FNDC3A: variants seen among roughly 807,000 people sequenced by gnomAD.
FNDC3A encodes the protein fibronectin type III domain containing 3A, also known as fibronectin type-III domain-containing protein 3A.
In FNDC3A, 32 loss-of-function variants were observed where a neutral mutation model predicts 148.9. That is an observed-to-expected ratio of 0.21 (90% CI 0.16 to 0.29). FNDC3A has a LOEUF of 0.29. Ranked by LOEUF, FNDC3A falls within the 10% of genes least tolerant of loss-of-function variation. FNDC3A has a pLI of 1.00. For missense variants in FNDC3A, 1,191 were observed against 1,452.8 expected, an observed-to-expected ratio of 0.82 and a Z score of 2.93; for synonymous variants, 472 against 473.6, an observed-to-expected ratio of 1.00 and a Z score of 0.04.
At position 49,175,392 on chromosome 13, in the gene FNDC3A, T is replaced by C; in HGVS notation, c.1381T>C (p.Tyr461His). 1 of 1,595,960 alleles carries C rather than the reference T, an allele frequency of 6.3e-7. No individual in the cohort carries two copies. The highest frequency in any genetic ancestry group is 2.3e-5 in the East Asian group (1 of 44,056). ...TGGTTTTAGTGAAGAAGTCTTATAT[T>C]ACACCTCAGGCTGTGCTCCTTCTAT... Reference protein sequence around the residue: ...TSGFSEEVLYYTSGCAPSMPA... With the variant: ...TSGFSEEVLYHTSGCAPSMPA... The change falls in exon 13 of 26, where the codon TAC becomes CAC. Residue 461 changes from tyrosine to histidine, a missense_variant. Physicochemically the swap from Tyr to His is moderately conservative, Grantham distance 83. Around this residue, in one of 3 missense-constraint regions of FNDC3A, gnomAD observed 751 missense variants for 944.0 expected, o/e 0.80. Transcript: ENST00000492622.
At chr13:49,190,347 G>A (rs1390966958) in intron 17 of FNDC3A, among the ~76,000 whole-genome samples, 1 of 152,182 alleles carries the variant, frequency 6.6e-6, no homozygotes, top group African/African-American at 2.4e-5. Flanking sequence ...AAAGGATGAA[G>A]GAAAGATAAT....
chr13:49,182,671 A>C (rs570315324), intron 14 of FNDC3A, among the ~76,000 whole-genome samples: 3 of 151,952 alleles, frequency 2.0e-5, no homozygotes, highest in Non-Finnish European at 2.9e-5. Context: ...GTCTTTTTAT[A>C]GGTAAAGAGA....
chr13:49,169,378 G>T (rs184912252), intron 10 of FNDC3A, among the ~76,000 whole-genome samples: 2 of 152,302 alleles, frequency 1.3e-5, no homozygotes, highest in African/African-American at 4.8e-5. Flanking sequence ...AAAACTTGGT[G>T]TCTGTTAAAA....
chr13:48,992,137 T>C, intron 1 of FNDC3A, among the ~76,000 whole-genome samples: 1 of 152,228 alleles, frequency 6.6e-6, no homozygotes, highest in South Asian at 2.1e-4. Flanking sequence ...AATGCAATTT[T>C]AGCAGAGATT....
At position 49,015,917 on chromosome 13, in the gene FNDC3A, G is replaced by A. The variant is rs867630583; in HGVS notation, c.99+9628G>A. Reference sequence around the variant, plus strand: ...TGCTGGATTACATTTATTGATTTGCGTATATTGAACCAGCCTTGCATCCCA... The same window carrying A: ...TGCTGGATTACATTTATTGATTTGCATATATTGAACCAGCCTTGCATCCCA... On this transcript the variant is annotated intron_variant, in intron 2 of 25. Transcript: ENST00000492622. 7.7e-3 allele frequency among the ~76,000 whole-genome samples: 1,140 copies of A among 147,300 alleles called. 10 individuals are homozygous for A. Among genetic ancestry groups the A allele is most frequent in the African/African-American group, 0.027 (1,069 of 39,688 alleles).
At chr13:49,004,675 GCCTGCAGTTTTAGCTAAA>G (rs1197220763) in intron 1 of FNDC3A, among the ~76,000 whole-genome samples, 1 of 151,798 alleles carries the variant, frequency 6.6e-6, no homozygotes, top group Non-Finnish European at 1.5e-5. Context: ...AATAATGGCG[GCCTGCAGTTTTAGCTAAA>G]CCTAGTACAT....
intron 2 of FNDC3A, among the ~76,000 whole-genome samples, chr13:49,047,369 CT>C (rs1211731641): frequency 6.6e-6 from 1 of 152,142 alleles, no homozygotes; most frequent in Non-Finnish European, 1.5e-5. Flanking sequence ...AGCAGATTTA[CT>C]TTTAGTTCTT....
intron 4 of FNDC3A, among the ~76,000 whole-genome samples, chr13:49,117,134 A>C (rs558580523): frequency 1.7e-4 from 26 of 152,352 alleles, no homozygotes; most frequent in Admixed American, 1.4e-3. Context: ...GTAGGAGCTC[A>C]GTAAATATTT....
chr13:48,989,268 T>C (rs1442708762), intron 1 of FNDC3A, among the ~76,000 whole-genome samples: 4 of 152,166 alleles, frequency 2.6e-5, no homozygotes, highest in Non-Finnish European at 4.4e-5. Context: ...TACAAAAATA[T>C]CCAACAGCCA....
chr13:49,090,372 C>T (rs757687686), intron 3 of FNDC3A, among the ~76,000 whole-genome samples: 1 of 152,200 alleles, frequency 6.6e-6, no homozygotes, highest in Non-Finnish European at 1.5e-5. Context: ...CAAGATCACG[C>T]CACTGCACTC....
At chr13:49,135,855 G>T (rs1042301768) in intron 5 of FNDC3A, among the ~76,000 whole-genome samples, 3 of 151,956 alleles carry the variant, frequency 2.0e-5, no homozygotes, top group African/African-American at 7.3e-5. Flanking sequence ...CATTTCTTTT[G>T]GCTAACTTTT....
chr13:49,188,677 GCCAAATGGGGTAGGATCA>G, intron 17 of FNDC3A, 44 bp downstream of exon 17: 1 of 1,274,510 alleles, frequency 7.8e-7, no homozygotes, highest in Non-Finnish European at 1.1e-6. Flanking sequence ...ATTAAGTTTG[GCCAAATGGGGTAGGATCA>G]CCAGGTGCCA....
intron 7 of FNDC3A, among the ~76,000 whole-genome samples, chr13:49,140,161 C>T (rs968229070): frequency 6.6e-6 from 1 of 152,002 alleles, no homozygotes; most frequent in Non-Finnish European, 1.5e-5. Flanking sequence ...ATTGAGACCT[C>T]GTCTCTACAA....
chr13:48,976,631 A>T (rs913189648), intron 1 of FNDC3A: 6 of 152,398 alleles, frequency 3.9e-5, no homozygotes, highest in African/African-American at 1.4e-4. Flanking sequence ...TCCTGAGAGG[A>T]TCGCCCAGCA....
intron 2 of FNDC3A, among the ~76,000 whole-genome samples, chr13:49,062,969 TG>T (rs1252635059): frequency 6.6e-6 from 1 of 152,228 alleles, no homozygotes; most frequent in Non-Finnish European, 1.5e-5. Context: ...TATCTTCATT[TG>T]TACTTAATAT....
chr13:49,044,803 G>A, intron 2 of FNDC3A: 2 of 417,812 alleles, frequency 4.8e-6, no homozygotes, highest in Admixed American at 2.9e-5. Flanking sequence ...TTGTTGCCAG[G>A]CCATTTTTTC....
intron 1 of FNDC3A, among the ~76,000 whole-genome samples, chr13:48,986,071 G>A (rs1239046302): frequency 1.3e-5 from 2 of 152,162 alleles, no homozygotes; most frequent in East Asian, 1.9e-4. Context: ...TCTGTATAGT[G>A]TTGGATCTGA....
At chr13:49,114,302 T>G (rs1880775768) in intron 3 of FNDC3A, among the ~76,000 whole-genome samples, 1 of 152,108 alleles carries the variant, frequency 6.6e-6, no homozygotes, top group Admixed American at 6.6e-5. Context: ...CTTACACTAT[T>G]ATAAGAGTCA....
chr13:49,190,970 T>C (rs1485374874), intron 17 of FNDC3A, 45 bp from the exon 18 acceptor site: 9 of 1,318,074 alleles, frequency 6.8e-6, no homozygotes, highest in Non-Finnish European at 9.6e-6. Flanking sequence ...TCTGATTATT[T>C]GGTTTTGGGG....
Sources: gnomAD v4.1 joint callset for allele counts (sites outside exome capture counted in the v4.1 genomes callset) on GRCh38, gnomAD v4.1.1 for gene constraint, gnomAD v4.1.1 regional missense constraint, MANE v1.5 for transcripts, NCBI Gene and HGNC (gene_info 2026-07-23, HGNC 2026-07-21) for gene names.